Variants in FAM107B observed in about 807,000 individuals in gnomAD.
FAM107B encodes the protein family with sequence similarity 107 member B, also known as protein FAM107B.
In FAM107B, 21 loss-of-function variants were observed where a neutral mutation model predicts 31.5. The ratio of observed to expected loss-of-function variants is 0.67; its 90% CI spans 0.47 to 0.96. The LOEUF (loss-of-function observed/expected upper bound fraction) is 0.96, where lower values mean the gene tolerates loss of function less well. Among genes scored for constraint, FAM107B ranks in the 40% least tolerant of loss-of-function variants. The probability of loss-of-function intolerance (pLI) is 0.00; values close to 1 mark genes in which losing one functional copy is unlikely to be tolerated. For missense variants in FAM107B, 452 were observed against 377.1 expected, an observed-to-expected ratio of 1.20 and a Z score of -1.64; for synonymous variants, 157 against 141.5, an observed-to-expected ratio of 1.11 and a Z score of -0.78.
At chr10:14,728,524 T>C (rs1320984351) in intron 1 of FAM107B, among the ~76,000 whole-genome samples, 4 of 152,146 alleles carry the variant, frequency 2.6e-5, no homozygotes, top group Non-Finnish European at 5.9e-5. Context: ...AGGGGTAATT[T>C]TTGTGGGTTA....
In FAM107B at chr10:14,534,809, C is replaced by T. The variant is rs1170448974; in HGVS notation, c.470-4294G>A. ...ATAGCAATGTGGATATAAATCTTAT[C>T]CTCTCTTCACTGCAAAGAACATGTC... On this transcript the variant is annotated intron_variant, in intron 2 of 4. Coordinates refer to ENST00000181796, the MANE Select transcript of FAM107B (RefSeq NM_031453.4). 2.6e-5 allele frequency: 4 copies of T among 152,196 alleles called. No homozygotes were observed. In the East Asian group the frequency reaches 7.7e-4, roughly 29 times the overall value. 9.4% of individuals were successfully genotyped at this position (152,196 alleles called of 1,614,324 possible).
intron 1 of FAM107B, among the ~76,000 whole-genome samples, chr10:14,712,352 A>T (rs2131540001): frequency 6.6e-6 from 1 of 152,220 alleles, no homozygotes; most frequent in East Asian, 1.9e-4. Context: ...ACACTTTGGG[A>T]GGCTGAGGCG....
chr10:14,598,033 T>G (rs1477406923), intron 2 of FAM107B, among the ~76,000 whole-genome samples: 1 of 152,234 alleles, frequency 6.6e-6, no homozygotes, highest in African/African-American at 2.4e-5. Context: ...TTCATTTTTT[T>G]ACTGTTGATT....
In FAM107B at chr10:14,572,736, A is replaced by ATTATATATATATATAT. The variant is rs1455058375; in HGVS notation, c.470-42222_470-42221insATATATATATATATAA. On this transcript the variant is annotated intron_variant, in intron 2 of 4. Transcript: ENST00000181796. ...CCCCATCTCTTCAAAAAAAAAAAAA[A>ATTATATATATATATAT]ATTTATATATATATATATATATATT... Among the ~76,000 whole-genome samples the ATTATATATATATATAT allele has an allele frequency of 1.5e-3, 131 of 86,454 alleles. 3 individuals are homozygous for ATTATATATATATATAT. Among genetic ancestry groups the ATTATATATATATATAT allele is most frequent in the African/African-American group, 4.9e-3 (123 of 24,870 alleles). 56.7% of individuals were successfully genotyped at this position (86,454 alleles called of 152,430 possible). A position where few individuals can be genotyped will look rare whatever the true frequency, so the allele number is the denominator to read the frequency against.
intron 2 of FAM107B, among the ~76,000 whole-genome samples, chr10:14,629,490 TA>T (rs1853291981): frequency 8.6e-6 from 1 of 116,434 alleles, no homozygotes; most frequent in African/African-American, 3.5e-5. Context: ...ATAACATATA[TA>T]ATATATATAT....
chr10:14,596,964 T>C (rs1363318975), intron 2 of FAM107B, among the ~76,000 whole-genome samples: 8 of 152,172 alleles, frequency 5.3e-5, no homozygotes, highest in Non-Finnish European at 1.2e-4. Context: ...AATAATGACA[T>C]GCTCAAAAGT....
intron 1 of FAM107B, among the ~76,000 whole-genome samples, chr10:14,768,114 A>C (rs1349262044): frequency 2.6e-5 from 4 of 152,224 alleles, no homozygotes; most frequent in Non-Finnish European, 5.9e-5. Context: ...AGAAGTGCAC[A>C]TTGAAAACTT....
intron 1 of FAM107B, among the ~76,000 whole-genome samples, chr10:14,708,684 G>C (rs1855573868): frequency 6.6e-6 from 1 of 152,130 alleles, no homozygotes; most frequent in African/African-American, 2.4e-5. Context: ...TCACCATTAA[G>C]ATAATGAAAA....
intron 1 of FAM107B, among the ~76,000 whole-genome samples, chr10:14,687,754 G>A (rs767013163): frequency 1.8e-4 from 27 of 151,986 alleles, no homozygotes; most frequent in Non-Finnish European, 3.5e-4. Flanking sequence ...CTTATTCCTG[G>A]CTAGAGCATG....
intron 1 of FAM107B, among the ~76,000 whole-genome samples, chr10:14,731,270 A>G (rs548635429): frequency 2.0e-5 from 3 of 152,268 alleles, no homozygotes; most frequent in Non-Finnish European, 4.4e-5. Flanking sequence ...GATTAAATCA[A>G]TGACTTCAAG....
chr10:14,694,543 C>T (rs1855221133), intron 1 of FAM107B, among the ~76,000 whole-genome samples: 1 of 152,072 alleles, frequency 6.6e-6, no homozygotes, highest in African/African-American at 2.4e-5. Context: ...GCCACTATGC[C>T]CGGCTAATTT....
chr10:14,569,131 A>G (rs1285170482), intron 2 of FAM107B, among the ~76,000 whole-genome samples: 2 of 152,188 alleles, frequency 1.3e-5, no homozygotes, highest in Admixed American at 1.3e-4. Context: ...ACAAATAATC[A>G]TCCTCGTTCT....
intron 1 of FAM107B, among the ~76,000 whole-genome samples, chr10:14,725,281 T>G (rs1036718657): frequency 6.6e-6 from 1 of 152,050 alleles, no homozygotes; most frequent in Admixed American, 6.6e-5. Flanking sequence ...GGTTGCCTTA[T>G]AGAGAATGGG....
Position 14,593,163 on chromosome 10 carries a change from A to AT in FAM107B, c.470-62649dup. Among the ~76,000 whole-genome samples the AT allele has an allele frequency of 2.0e-5, 3 of 152,252 alleles. 1 individual carries two copies. The stretch of plus-strand genomic sequence containing the variant: ...TAAAATTTAATATTATTAATTCTTA[A>AT]TTTTTATTCTTAAAACTAGGTATTC... On this transcript the variant is annotated intron_variant, in intron 2 of 4. Transcript: ENST00000181796.
rs192214247 is a variant in FAM107B, at chr10:14,565,689, C to T, written c.470-35174G>A. ...CAAAATCCTACAGCAAACGAAGCGGCTGAAACTGCTGATATTCCTCAGCAG... is the reference window on the plus strand; with the variant it reads ...CAAAATCCTACAGCAAACGAAGCGGTTGAAACTGCTGATATTCCTCAGCAG... On this transcript the variant is annotated intron_variant, in intron 2 of 4. Transcript: ENST00000181796. 1.4e-3 allele frequency among the ~76,000 whole-genome samples: 209 copies of T among 152,264 alleles called. 4 individuals are homozygous for T. The highest frequency in any genetic ancestry group is 4.8e-3 in the African/African-American group (199 of 41,546).
At chr10:14,583,148 GA>G (rs1433416311) in intron 2 of FAM107B, among the ~76,000 whole-genome samples, 1 of 151,974 alleles carries the variant, frequency 6.6e-6, no homozygotes, top group East Asian at 1.9e-4. Flanking sequence ...GGCAGACCTG[GA>G]AGGTGGGCCC....
chr10:14,526,218 T>C (rs1459069417), intron 3 of FAM107B, among the ~76,000 whole-genome samples: 1 of 152,188 alleles, frequency 6.6e-6, no homozygotes, highest in Non-Finnish European at 1.5e-5. Context: ...CTATTGCCCA[T>C]GCTGGAGTGC....
chr10:14,737,817 T>C (rs976677867), intron 1 of FAM107B, among the ~76,000 whole-genome samples: 1 of 150,318 alleles, frequency 6.7e-6, no homozygotes, highest in African/African-American at 2.4e-5. Context: ...TGGCTAAACT[T>C]GTACCAGCCA....
chr10:14,765,790 C>A (rs928217809), intron 1 of FAM107B, among the ~76,000 whole-genome samples: 1 of 152,196 alleles, frequency 6.6e-6, no homozygotes, highest in Non-Finnish European at 1.5e-5. Context: ...CTAAAATTCT[C>A]TCATCTTCTG....
Sources: allele counts gnomAD v4.1 joint callset (sites outside exome capture counted in the v4.1 genomes callset), GRCh38; gene constraint gnomAD v4.1.1; transcripts MANE v1.5; gene names NCBI Gene and HGNC (gene_info 2026-07-23, HGNC 2026-07-21).